The following NLRP1 variants were observed in gnomAD, a reference collection of about 807,000 sequenced individuals.
NLRP1 encodes NACHT, LRR and PYD domains-containing protein 1.
A neutral mutation model predicts 136.7 loss-of-function variants in NLRP1; 94 were observed. The observed-to-expected ratio is 0.69, with a 90% CI of 0.58 to 0.82. The LOEUF (loss-of-function observed/expected upper bound fraction) is 0.82, where lower values mean the gene tolerates loss of function less well. NLRP1 is among the 40% of genes least tolerant of loss of function. The pLI, the probability that NLRP1 is intolerant of heterozygous loss-of-function variation, is 0.00. For synonymous variants in NLRP1, 690 were observed against 725.1 expected, an observed-to-expected ratio of 0.95 and a Z score of 0.78; for missense variants, 1,575 against 1,802.7, an observed-to-expected ratio of 0.87 and a Z score of 2.29.
chr17:5,573,440 T>C (rs1178363302), intron 3 of NLRP1, among the ~76,000 whole-genome samples: 2 of 152,172 alleles, frequency 1.3e-5, no homozygotes, highest in Non-Finnish European at 2.9e-5. Flanking sequence ...GACTTAAATG[T>C]CCCTGTTTGA....
At position 5,541,171 on chromosome 17, in the gene NLRP1, G is replaced by A. The variant is rs536890511; in HGVS notation, c.2699+686C>T. Among the ~76,000 whole-genome samples, 73 of 152,120 alleles carry A rather than the reference G, an allele frequency of 4.8e-4. No individual in the cohort carries two copies. Among genetic ancestry groups the A allele is most frequent in the Non-Finnish European group, 8.1e-4 (55 of 68,020 alleles). The stretch of plus-strand genomic sequence containing the variant: ...GCAATTCTCCTGCCTCAGGCTCCCT[G>A]AGTAGCTGGGATTACAGGTGCCCAC... On this transcript the variant is annotated intron_variant, in intron 6 of 16. Transcript: ENST00000572272. The surrounding 1 kb of genome is among the most constrained non-coding windows in gnomAD (Gnocchi z 4.2).
intron 5 of NLRP1, among the ~76,000 whole-genome samples, chr17:5,548,434 C>T (rs1912943796): frequency 6.6e-6 from 1 of 152,148 alleles, no homozygotes; most frequent in African/African-American, 2.4e-5. Context: ...ACTCCTTCTC[C>T]TTCTTGTGTC....
chr17:5,530,441 A>C, intron 12 of NLRP1, 40 bp downstream of exon 12: 16 of 1,570,866 alleles, frequency 1.0e-5, no homozygotes, highest in Non-Finnish European at 1.4e-5. Context: ...CAGGCCCATA[A>C]TTACCACCAC....
At chr17:5,519,277 C>G (rs1446626277) in intron 14 of NLRP1, among the ~76,000 whole-genome samples, 3 of 151,244 alleles carry the variant, frequency 2.0e-5, no homozygotes, top group Non-Finnish European at 4.4e-5. Context: ...GCTGGGATTA[C>G]AGGCTTGAGC....
chr17:5,508,212 C>A (rs1907454190), intron 15 of NLRP1, among the ~76,000 whole-genome samples: 1 of 151,812 alleles, frequency 6.6e-6, no homozygotes, highest in African/African-American at 2.4e-5. Context: ...GCAGGAGAAT[C>A]ACTTGAACCT....
rs1567647489 is a variant in NLRP1, at chr17:5,541,831, T to G, written c.2699+26A>C. On this transcript the variant is annotated intron_variant, in intron 6 of 16. Transcript: ENST00000572272. The surrounding 1 kb of genome is among the most constrained non-coding windows in gnomAD (Gnocchi z 4.2). ...ATGGTGGCAGGCAGTTCCCTCCACC[T>G]CCCCCTGCCCACCAAGAACAATTAC... 6.2e-7 allele frequency: 1 copy of G among 1,609,624 alleles called. No individual in the cohort carries two copies. The highest frequency in any genetic ancestry group is 2.2e-5 in the East Asian group (1 of 44,832).
At chr17:5,544,324 T>C (rs1478342211) in intron 5 of NLRP1, among the ~76,000 whole-genome samples, 1 of 152,180 alleles carries the variant, frequency 6.6e-6, no homozygotes, top group African/African-American at 2.4e-5. Flanking sequence ...CATTTGGTGA[T>C]TTGGTGGGGG....
At chr17:5,567,966 T>C (rs904366350) in intron 3 of NLRP1, among the ~76,000 whole-genome samples, 52 of 152,208 alleles carry the variant, frequency 3.4e-4, no homozygotes, top group African/African-American at 1.2e-3. Flanking sequence ...TTGTTTCTTT[T>C]CTCTTGCTGC....
At position 5,515,500 on chromosome 17, in the gene NLRP1, T is replaced by C. The variant is rs781721844; in HGVS notation, c.4075A>G (p.Thr1359Ala). 6.2e-7 allele frequency: 1 copy of C among 1,613,788 alleles called. No homozygotes were observed. The change falls in exon 16 of 17, where the codon ACT becomes GCT. Residue 1359 changes from threonine to alanine, a missense_variant. Thr to Ala is a moderately conservative substitution (Grantham distance 58). Transcript: ENST00000572272. ...LVKPGDLMPA[T>A]TLIPPARIAV... is the part of the protein sequence containing the mutation. ...ATGCGGGCTGGAGGGATCAGAGTAG[T>C]TGCAGGCATGAGATCTCCTGGAGGA... is the stretch of plus-strand genomic sequence containing the variant.
rs533427126 is a variant in NLRP1, at chr17:5,572,735, C to T, written c.652+9124G>A. 9.8e-4 allele frequency among the ~76,000 whole-genome samples: 142 copies of T among 144,550 alleles called. 3 individuals carry two copies. Among genetic ancestry groups the T allele is most frequent in the East Asian group, 4.6e-3 (23 of 5,008 alleles). The allele number at this position is 144,550 out of a possible 152,430, so 94.8% of individuals were successfully genotyped here. On this transcript the variant is annotated intron_variant, in intron 3 of 16. Coordinates refer to ENST00000572272, the MANE Select transcript of NLRP1 (RefSeq NM_033004.4). Reference sequence around the variant, plus strand: ...AGAAAAAAAAAAAAAAAAAAGTGGACAAAGGACACCAATAGACTCTTCAAA... The same window carrying T: ...AGAAAAAAAAAAAAAAAAAAGTGGATAAAGGACACCAATAGACTCTTCAAA...
chr17:5,576,119 T>C (rs1040358043), intron 3 of NLRP1, among the ~76,000 whole-genome samples: 3 of 152,182 alleles, frequency 2.0e-5, no homozygotes, highest in Non-Finnish European at 4.4e-5. Context: ...GGGACACATT[T>C]AAAGCTGTGT....
intron 4 of NLRP1, among the ~76,000 whole-genome samples, chr17:5,556,458 A>C (rs1914090401): frequency 7.6e-6 from 1 of 130,740 alleles, no homozygotes; most frequent in Non-Finnish European, 1.7e-5. Flanking sequence ...CGTCTCAGAC[A>C]ACAACAAACC....
At chr17:5,572,620 G>A (rs1359100514) in intron 3 of NLRP1, among the ~76,000 whole-genome samples, 1 of 151,018 alleles carries the variant, frequency 6.6e-6, no homozygotes, top group African/African-American at 2.4e-5. Flanking sequence ...TGAGGCAGGA[G>A]AATCCCTTGA....
chr17:5,558,055 A>C (rs1189428799), intron 4 of NLRP1, among the ~76,000 whole-genome samples: 1 of 152,054 alleles, frequency 6.6e-6, no homozygotes, highest in African/African-American at 2.4e-5. Context: ...CCAGGAGAGA[A>C]GATGGACGGT....
At chr17:5,569,665 A>G (rs1915668504) in intron 3 of NLRP1, among the ~76,000 whole-genome samples, 1 of 152,192 alleles carries the variant, frequency 6.6e-6, no homozygotes, top group South Asian at 2.1e-4. Flanking sequence ...ATAACCATAT[A>G]GTAATAATGG....
chr17:5,524,938 C>T (rs147123762), intron 12 of NLRP1, among the ~76,000 whole-genome samples: 2 of 152,272 alleles, frequency 1.3e-5, no homozygotes, highest in East Asian at 3.9e-4. Context: ...CCCCTTCTTG[C>T]ACATACTGCC....
chr17:5,508,695 G>A (rs1346373043), intron 15 of NLRP1, among the ~76,000 whole-genome samples: 1 of 152,168 alleles, frequency 6.6e-6, no homozygotes, highest in Admixed American at 6.5e-5. Flanking sequence ...AGATTATCCT[G>A]AAAACTCTTA....
At chr17:5,503,019 A>C (rs1907164968) in intron 15 of NLRP1, 1 of 152,530 alleles carries the variant, frequency 6.6e-6, no homozygotes, top group Non-Finnish European at 1.5e-5. Flanking sequence ...AAGGGTGTGA[A>C]GGGTGAAATG....
Position 5,532,908 on chromosome 17 carries a change from C to T in NLRP1, c.3210G>A (p.Thr1070=), listed in dbSNP as rs748031280. Residue 1070 remains threonine (T), a synonymous_variant, in exon 11 of 17, where the codon ACG becomes ACA. Transcript: ENST00000572272. Reference sequence around the variant, plus strand: ...AGTCATCGTCAGTCCCCAAAGGCTTCGTATGCAGGTCCCCTTGAGAGGCAG... The same window carrying T: ...AGTCATCGTCAGTCCCCAAAGGCTTTGTATGCAGGTCCCCTTGAGAGGCAG... ...PSPASQGDLH[T]KPLGTDDDFW... 1.4e-5 allele frequency: 23 copies of T among 1,613,916 alleles called. No individual in the cohort carries two copies. Among genetic ancestry groups the T allele is most frequent in the Admixed American group, 8.3e-5 (5 of 59,992 alleles).
Sources: gnomAD v4.1 joint callset for allele counts (sites outside exome capture counted in the v4.1 genomes callset) on GRCh38, gnomAD v4.1.1 for gene constraint, Gnocchi (gnomAD v3.1) non-coding constraint, MANE v1.5 for transcripts, NCBI Gene and HGNC (gene_info 2026-07-23, HGNC 2026-07-21) for gene names.